Variants in GALNTL6 observed in about 807,000 individuals in gnomAD.
GALNTL6 encodes polypeptide N-acetylgalactosaminyltransferase like 6.
Under a neutral mutation model 73.7 loss-of-function variants are expected in GALNTL6, and 46 were observed. The ratio of observed to expected loss-of-function variants is 0.62; its 90% CI spans 0.49 to 0.80. GALNTL6 has a LOEUF of 0.80. GALNTL6 is among the 30% of genes least tolerant of loss of function. The pLI is 0.00. For missense variants in GALNTL6, 604 were observed against 755.0 expected (o/e 0.80, Z 2.34); for synonymous variants, 259 against 263.7 (o/e 0.98, Z 0.17).
intron 5 of GALNTL6, among the ~76,000 whole-genome samples, chr4:172,711,836 T>C (rs140995472): frequency 1.1e-3 from 160 of 152,202 alleles, no homozygotes; most frequent in Middle Eastern, 3.4e-3. Context: ...TACCAAAGGA[T>C]GAGTGGAGAA....
rs551428588 is a variant in GALNTL6 at position 172,959,769 on chromosome 4, G to A, written c.1371+7511G>A. On this transcript the variant is annotated intron_variant, in intron 10 of 12. Coordinates refer to ENST00000506823, the MANE Select transcript of GALNTL6 (RefSeq NM_001034845.3). ...TGGGGTCCTGCACAGATGGGACATG[G>A]CTTAGGAGGAATCCTGGGCTGCGGG... Among the ~76,000 whole-genome samples the A allele has an allele frequency of 1.1e-4, 16 of 152,294 alleles. 1 individual carries two copies. The South Asian group carries it at 3.1e-3, about 30-fold the overall frequency.
At chr4:172,811,143 G>A (rs930821073) in intron 6 of GALNTL6, among the ~76,000 whole-genome samples, 2 of 152,110 alleles carry the variant, frequency 1.3e-5, no homozygotes, top group African/African-American at 2.4e-5. Context: ...TGAAAAAACA[G>A]GCAGAGCCAC....
intron 5 of GALNTL6, among the ~76,000 whole-genome samples, chr4:172,719,707 C>G (rs950437331): frequency 6.6e-6 from 1 of 151,994 alleles, no homozygotes; most frequent in Non-Finnish European, 1.5e-5. Flanking sequence ...TGGATCCAGA[C>G]CCCAAGAGAG....
chr4:172,194,853 C>T (rs1385382944), intron 2 of GALNTL6, among the ~76,000 whole-genome samples: 4 of 152,040 alleles, frequency 2.6e-5, no homozygotes, highest in African/African-American at 9.7e-5. Flanking sequence ...CACTGAAGTA[C>T]ACACACCAAT....
At chr4:171,819,897 A>G (rs888396859) in intron 2 of GALNTL6, among the ~76,000 whole-genome samples, 1 of 152,084 alleles carries the variant, frequency 6.6e-6, no homozygotes, top group African/African-American at 2.4e-5. Context: ...TTTTGCTCAT[A>G]TTTGCATGTG....
intron 5 of GALNTL6, among the ~76,000 whole-genome samples, chr4:172,622,035 G>C (rs973840041): frequency 6.6e-6 from 1 of 151,928 alleles, no homozygotes; most frequent in Non-Finnish European, 1.5e-5. Context: ...TGCCATCCCT[G>C]GTCCTCACAC....
chr4:172,434,989 C>G (rs1019644207), intron 5 of GALNTL6, among the ~76,000 whole-genome samples: 2 of 151,898 alleles, frequency 1.3e-5, no homozygotes, highest in African/African-American at 4.8e-5. Flanking sequence ...TTAGAAATAC[C>G]CTTTGTAAAT....
At chr4:172,043,778 A>G (rs1014161859) in intron 2 of GALNTL6, among the ~76,000 whole-genome samples, 1 of 152,084 alleles carries the variant, frequency 6.6e-6, no homozygotes, top group African/African-American at 2.4e-5. Context: ...AAAGTTTTAA[A>G]TGCAAAGATA....
At chr4:172,581,733 C>A (rs1468917087) in intron 5 of GALNTL6, among the ~76,000 whole-genome samples, 1 of 152,228 alleles carries the variant, frequency 6.6e-6, no homozygotes, top group African/African-American at 2.4e-5. Flanking sequence ...CTCATCCTTC[C>A]TGCCTGCTCT....
intron 5 of GALNTL6, among the ~76,000 whole-genome samples, chr4:172,702,634 G>A (rs72706827): frequency 0.085 from 12,861 of 152,028 alleles, 625 homozygotes; most frequent in South Asian, 0.15. Flanking sequence ...ACAGGCTCAA[G>A]TGAGCTCTCT....
chr4:172,035,159 AAAGT>A (rs1741896056), intron 2 of GALNTL6, among the ~76,000 whole-genome samples: 3 of 152,120 alleles, frequency 2.0e-5, no homozygotes, highest in South Asian at 2.1e-4. Flanking sequence ...AAAATAGTAT[AAAGT>A]AAGTAAAGTA....
At chr4:172,618,034 C>G (rs938608615) in intron 5 of GALNTL6, among the ~76,000 whole-genome samples, 3 of 152,144 alleles carry the variant, frequency 2.0e-5, no homozygotes, top group Non-Finnish European at 2.9e-5. Context: ...CATAAATGCA[C>G]AAAGGAATGC....
At chr4:172,222,673 C>T (rs1047279061) in intron 2 of GALNTL6, among the ~76,000 whole-genome samples, 9 of 151,860 alleles carry the variant, frequency 5.9e-5, no homozygotes, top group African/African-American at 2.2e-4. Context: ...CTATAATGAT[C>T]TACACACCCA....
intron 4 of GALNTL6, among the ~76,000 whole-genome samples, chr4:172,313,251 G>A (rs1286759193): frequency 6.7e-6 from 1 of 150,162 alleles, no homozygotes; most frequent in Non-Finnish European, 1.5e-5. Context: ...TCAGCCTCCC[G>A]AGTAGCTGGG....
intron 7 of GALNTL6, among the ~76,000 whole-genome samples, chr4:172,826,011 A>G (rs1335979021): frequency 6.6e-6 from 1 of 152,224 alleles, no homozygotes; most frequent in Non-Finnish European, 1.5e-5. Flanking sequence ...CAGGTTTGAA[A>G]CATACAGTTA....
At chr4:172,762,783 C>A (rs377420722) in intron 5 of GALNTL6, among the ~76,000 whole-genome samples, 1 of 139,784 alleles carries the variant, frequency 7.2e-6, no homozygotes, top group African/African-American at 2.6e-5. Flanking sequence ...CAGATTCACT[C>A]AAAAAAAAAA....
intron 2 of GALNTL6, among the ~76,000 whole-genome samples, chr4:172,156,538 ATAAT>A (rs1366146370): frequency 2.8e-5 from 2 of 71,658 alleles, no homozygotes; most frequent in East Asian, 6.5e-4. Context: ...ACATATATAT[ATAAT>A]ATATATATAT....
chr4:172,313,589 T>C (rs1740439992), intron 4 of GALNTL6, among the ~76,000 whole-genome samples: 1 of 152,136 alleles, frequency 6.6e-6, no homozygotes, highest in African/African-American at 2.4e-5. Context: ...AAAGATCTTA[T>C]GTAATAATGG....
At chr4:172,710,484 C>A (rs1734634895) in intron 5 of GALNTL6, among the ~76,000 whole-genome samples, 1 of 152,082 alleles carries the variant, frequency 6.6e-6, no homozygotes, top group Non-Finnish European at 1.5e-5. Flanking sequence ...GTGTCAACAG[C>A]AAAATGATAT....
Sources: allele counts gnomAD v4.1 joint callset (sites outside exome capture counted in the v4.1 genomes callset), GRCh38; gene constraint gnomAD v4.1.1; transcripts MANE v1.5; gene names NCBI Gene and HGNC (gene_info 2026-07-23, HGNC 2026-07-21).